Variants in DOCK11 observed in about 807,000 individuals in gnomAD.
DOCK11 encodes the protein dedicator of cytokinesis protein 11.
A neutral mutation model predicts 169.1 loss-of-function variants in DOCK11; 70 were observed. The observed-to-expected ratio is 0.41, with a 90% CI of 0.34 to 0.51. The LOEUF is 0.51. DOCK11 is among the 20% of genes least tolerant of loss of function. The pLI is 0.10. For synonymous variants in DOCK11, 529 were observed against 541.3 expected, an observed-to-expected ratio of 0.98 and a Z score of 0.32; for missense variants, 1,166 against 1,538.8, an observed-to-expected ratio of 0.76 and a Z score of 4.05.
At chrX:118,519,509 A>G (rs1218147735) in intron 1 of DOCK11, among the ~76,000 whole-genome samples, 1 of 112,250 alleles carries the variant, frequency 8.9e-6, no homozygotes, top group Non-Finnish European at 1.9e-5. Flanking sequence ...ACTGCACTCC[A>G]GCCTGTGCAA....
At chrX:118,515,609 T>A (rs190016207) in intron 1 of DOCK11, among the ~76,000 whole-genome samples, 1 of 110,934 alleles carries the variant, frequency 9.0e-6, no homozygotes, top group East Asian at 2.9e-4. Flanking sequence ...GGGGCATATC[T>A]TTTTGTGGGG....
At position 118,495,870 on chromosome X, in the gene DOCK11, C is replaced by T. The variant is rs2057531823; in HGVS notation, c.-102C>T. The T allele has an allele frequency of 2.7e-6, 1 of 370,532 alleles. No homozygotes were observed. The highest frequency in any genetic ancestry group is 1.3e-4 in the South Asian group (1 of 7,453). The allele number at this position is 370,532 out of a possible 1,213,427, so 30.5% of individuals were successfully genotyped here. A position where few individuals can be genotyped will look rare whatever the true frequency, so the allele number is the denominator to read the frequency against. On this transcript the variant is annotated 5_prime_UTR_variant, in exon 1 of 53. Coordinates refer to ENST00000276202, the MANE Select transcript of DOCK11 (RefSeq NM_144658.4). ...TGTGGCCGGCCGGCCGGCGAGTAAA[C>T]AGAGGGAGCAGCAGCGGCCGCGGCC...
intron 44 of DOCK11, among the ~76,000 whole-genome samples, chrX:118,659,490 G>C (rs2016162165): frequency 8.9e-6 from 1 of 111,894 alleles, no homozygotes; most frequent in Non-Finnish European, 1.9e-5. Context: ...AATCTTTCTA[G>C]AACTAAGAGG....
At chrX:118,516,341 C>T (rs1467375284) in intron 1 of DOCK11, among the ~76,000 whole-genome samples, 3 of 106,135 alleles carry the variant, frequency 2.8e-5, no homozygotes, top group East Asian at 3.0e-4. Context: ...GTAATCTGCC[C>T]GCCTCGGCCT....
chrX:118,664,522 A>G (rs1444440618), intron 45 of DOCK11, among the ~76,000 whole-genome samples: 3 of 110,576 alleles, frequency 2.7e-5, no homozygotes, highest in Non-Finnish European at 5.7e-5. Context: ...GCACCTGCCT[A>G]TAATCCCAGC....
At chrX:118,615,234 T>C (rs957324109) in intron 29 of DOCK11, among the ~76,000 whole-genome samples, 4 of 112,084 alleles carry the variant, frequency 3.6e-5, no homozygotes, top group African/African-American at 1.3e-4. Flanking sequence ...AGAGTTTTTA[T>C]TGGGGGCTGA....
At chrX:118,613,396 G>A (rs936191153) in intron 28 of DOCK11, among the ~76,000 whole-genome samples, 3 of 111,767 alleles carry the variant, frequency 2.7e-5, no homozygotes, top group African/African-American at 6.5e-5. Context: ...TGAATTCTTC[G>A]GATTTCACAG....
intron 4 of DOCK11, among the ~76,000 whole-genome samples, chrX:118,545,063 C>A (rs756439320): frequency 9.1e-6 from 1 of 110,111 alleles, no homozygotes; most frequent in Non-Finnish European, 1.9e-5. Flanking sequence ...CCCTAAGTTT[C>A]TGGGCTTAGT....
chrX:118,546,210 CAAAAAAAAA>C, intron 6 of DOCK11, 94 bp downstream of exon 6: 4 of 50,620 alleles, frequency 7.9e-5, no homozygotes, highest in Non-Finnish European at 7.0e-5. Context: ...AGAGCCCTAG[CAAAAAAAAA>C]AAAAAAAAAA....
intron 1 of DOCK11, among the ~76,000 whole-genome samples, chrX:118,537,163 T>C (rs1485302980): frequency 8.9e-6 from 1 of 112,123 alleles, no homozygotes; most frequent in East Asian, 2.8e-4. Context: ...GGGCTAATCA[T>C]TCTCTTTCTG....
intron 14 of DOCK11, 142 bp from the exon 15 acceptor site, chrX:118,584,593 A>ATGGG: frequency 2.2e-6 from 1 of 454,299 alleles, no homozygotes; most frequent in Non-Finnish European, 3.5e-6. Context: ...TTGTAGAGTG[A>ATGGG]TGGGTGATTA....
chrX:118,581,002 A>G (rs1164832977), intron 14 of DOCK11, among the ~76,000 whole-genome samples: 1 of 112,252 alleles, frequency 8.9e-6, no homozygotes. Context: ...TTCATATCTG[A>G]TGGTAGGTTA....
intron 42 of DOCK11, 128 bp from the exon 43 acceptor site, chrX:118,654,474 T>G: frequency 1.9e-6 from 1 of 514,927 alleles, no homozygotes; most frequent in Non-Finnish European, 3.2e-6. Context: ...ATTATTTCAG[T>G]GTACTATATG....
At chrX:118,668,738 GA>G (rs746570634) in intron 45 of DOCK11, among the ~76,000 whole-genome samples, 9 of 111,171 alleles carry the variant, frequency 8.1e-5, no homozygotes. Context: ...TAGTGAAATA[GA>G]AAAAAAGATG....
At chrX:118,549,231 A>G (rs1320421282) in intron 6 of DOCK11, among the ~76,000 whole-genome samples, 11 of 104,591 alleles carry the variant, frequency 1.1e-4, no homozygotes, top group African/African-American at 3.9e-4. Flanking sequence ...TGCAACCTCC[A>G]CCTCCCGGGT....
In DOCK11 at chrX:118,648,635, T is replaced by G. The variant is rs374800549; in HGVS notation, c.4399-310T>G. 4.8e-4 allele frequency among the ~76,000 whole-genome samples: 49 copies of G among 101,306 alleles called. No individual in the cohort carries two copies. In the East Asian group the frequency reaches 8.6e-3, roughly 18 times the overall value. The allele number at this position is 101,306 out of a possible 115,157, so 88.0% of individuals were successfully genotyped here. ...TATAATATATAATACATATATAATA[T>G]ATAATAGATATAATATAATACTATA... On this transcript the variant is annotated intron_variant, in intron 40 of 52. Coordinates refer to ENST00000276202, the MANE Select transcript of DOCK11 (RefSeq NM_144658.4).
chrX:118,568,373 TATA>T (rs2013148172), intron 10 of DOCK11, among the ~76,000 whole-genome samples: 2 of 1,155 alleles, frequency 1.7e-3, no homozygotes, highest in African/African-American at 5.6e-3. Flanking sequence ...GGCTGAATTA[TATA>T]TATATATATA....
intron 18 of DOCK11, 128 bp downstream of exon 18, chrX:118,588,606 A>G: frequency 2.1e-6 from 1 of 483,022 alleles, no homozygotes; most frequent in Non-Finnish European, 3.3e-6. Flanking sequence ...GACAAATGTA[A>G]TACTTTCTTT....
At chrX:118,523,765 T>C (rs2011312731) in intron 1 of DOCK11, among the ~76,000 whole-genome samples, 1 of 111,780 alleles carries the variant, frequency 8.9e-6, no homozygotes, top group Admixed American at 9.5e-5. Flanking sequence ...TTGATCATAC[T>C]CAATAATACT....
Sources: gnomAD v4.1 joint callset for allele counts (sites outside exome capture counted in the v4.1 genomes callset) on GRCh38, gnomAD v4.1.1 for gene constraint, MANE v1.5 for transcripts, NCBI Gene and HGNC (gene_info 2026-07-23, HGNC 2026-07-21) for gene names.